The following TTC3 variants were observed in gnomAD, a reference collection of about 807,000 sequenced individuals.
The protein encoded by TTC3 is tetratricopeptide repeat domain 3, also known as E3 ubiquitin-protein ligase TTC3.
In TTC3, 180 loss-of-function variants were observed where a neutral mutation model predicts 249.6. That is an observed-to-expected ratio of 0.72 (90% confidence interval 0.64 to 0.82). The LOEUF is 0.82. Ranked by LOEUF, TTC3 falls within the 40% of genes least tolerant of loss-of-function variation. The pLI, the probability that TTC3 is intolerant of heterozygous loss-of-function variation, is 0.00. For missense variants in TTC3, 2,061 were observed against 2,398.4 expected, an observed-to-expected ratio of 0.86 and a Z score of 2.94; for synonymous variants, 717 against 805.0, an observed-to-expected ratio of 0.89 and a Z score of 1.85.
exon 18 of TTC3, chr21:37,135,485 C>A: frequency 6.2e-7 from 1 of 1,613,928 alleles, no homozygotes; most frequent in African/African-American, 1.3e-5. Flanking sequence ...TACAGAGTTG[C>A]TGAACGGTTT....
intron 1 of TTC3, among the ~76,000 whole-genome samples, chr21:37,074,946 T>C (rs2070623732): frequency 6.6e-6 from 1 of 152,204 alleles, no homozygotes; most frequent in Non-Finnish European, 1.5e-5. Flanking sequence ...TATTTAATCT[T>C]TTGCCAAATT....
At chr21:37,096,894 GC>G (rs2074000564) in intron 10 of TTC3, 3 of 330,082 alleles carry the variant, frequency 9.1e-6, no homozygotes, top group Non-Finnish European at 1.1e-5. Context: ...GGTTCTCACA[GC>G]ACCCGTAATA....
At chr21:37,198,476 C>T (rs565315343) in intron 44 of TTC3, among the ~76,000 whole-genome samples, 6 of 152,080 alleles carry the variant, frequency 3.9e-5, no homozygotes, top group South Asian at 2.1e-4. Flanking sequence ...CAAGATAGAC[C>T]GTGATTGCCT....
exon 33 of TTC3, chr21:37,166,459 A>T (rs748152612): frequency 1.9e-5 from 30 of 1,614,116 alleles, no homozygotes; most frequent in Non-Finnish European, 2.4e-5. Flanking sequence ...GAATATCTGT[A>T]AAGTCACACT....
intron 11 of TTC3, among the ~76,000 whole-genome samples, chr21:37,110,260 G>A (rs1257133216): frequency 2.0e-5 from 3 of 152,170 alleles, no homozygotes; most frequent in South Asian, 4.1e-4. Flanking sequence ...AAACTACTCC[G>A]AGCTAAAGGA....
chr21:37,113,847 C>A (rs1410162666), intron 11 of TTC3, among the ~76,000 whole-genome samples: 2 of 152,128 alleles, frequency 1.3e-5, no homozygotes, highest in African/African-American at 2.4e-5. Flanking sequence ...AAGATATAGA[C>A]CAATGGAACA....
chr21:37,090,003 CAT>C (rs2073038323), intron 5 of TTC3, among the ~76,000 whole-genome samples: 1 of 150,988 alleles, frequency 6.6e-6, no homozygotes, highest in Non-Finnish European at 1.5e-5. Flanking sequence ...AAAAAATTCA[CAT>C]GTCTAAAGAT....
At chr21:37,136,450 A>C (rs778059700) in intron 18 of TTC3, among the ~76,000 whole-genome samples, 10 of 152,346 alleles carry the variant, frequency 6.6e-5, no homozygotes, top group South Asian at 2.1e-4. Flanking sequence ...TTTCTTGCCG[A>C]TGCAGAGAGT....
intron 16 of TTC3, among the ~76,000 whole-genome samples, chr21:37,130,835 A>G (rs2077414748): frequency 6.6e-6 from 1 of 151,982 alleles, no homozygotes; most frequent in South Asian, 2.1e-4. Flanking sequence ...CAGTACTTCA[A>G]ACATCCTTGC....
chr21:37,172,571 G>T, intron 34 of TTC3, 24 bp from the exon 35 acceptor site: 1 of 1,598,336 alleles, frequency 6.3e-7, no homozygotes, highest in South Asian at 1.1e-5. Flanking sequence ...ATTTTTAATA[G>T]ATTGTTTTGT....
chr21:37,102,434 C>T (rs895945727), intron 10 of TTC3, among the ~76,000 whole-genome samples: 3 of 152,132 alleles, frequency 2.0e-5, no homozygotes, highest in Non-Finnish European at 2.9e-5. Flanking sequence ...CTTCCAAGTC[C>T]AGAATCAGTT....
chr21:37,152,939 AT>A lies in TTC3; in HGVS notation c.2414-9del. 2 of 1,559,656 alleles carry A rather than the reference AT, an allele frequency of 1.3e-6. No individual in the cohort carries two copies. Among genetic ancestry groups the A allele is most frequent in the Non-Finnish European group, 1.7e-6 (2 of 1,154,632 alleles). ...CCTATTTATCACTTTAACCATTGTT[AT>A]TTATCCTTAGAAACTGTAGACAATG... On this transcript the variant is annotated splice_polypyrimidine_tract_variant and intron_variant, in intron 26 of 45. Transcript: ENST00000355666.
chr21:37,182,947 TA>T (rs541380713), intron 36 of TTC3, 34 bp downstream of exon 36: 488 of 1,444,178 alleles, frequency 3.4e-4, no homozygotes, highest in South Asian at 5.1e-4. Context: ...AATTTTTATT[TA>T]AAAAAAAATA....
intron 44 of TTC3, among the ~76,000 whole-genome samples, chr21:37,199,686 G>C (rs2085297616): frequency 6.6e-6 from 1 of 152,202 alleles, no homozygotes; most frequent in Admixed American, 6.5e-5. Flanking sequence ...ACTGTTAACT[G>C]TTTTTCTAGG....
rs138862573 is a variant in TTC3 at position 37,190,130 on chromosome 21, C to CTTTTTTTTTT, written c.5025-1184_5025-1175dup. ...TTTTAGTGTATAGTTCTTTTTCTTT[C>CTTTTTTTTTT]TTTTTTTTTTTTTTTTTTTTTTTTT... On this transcript the variant is annotated intron_variant, in intron 39 of 45. Coordinates refer to ENST00000355666, the Ensembl canonical transcript of TTC3. Among the ~76,000 whole-genome samples the CTTTTTTTTTT allele has an allele frequency of 3.4e-3, 223 of 65,054 alleles. 3 individuals carry two copies. The highest frequency in any genetic ancestry group is 4.2e-3 in the Non-Finnish European group (151 of 36,286). The allele number at this position is 65,054 out of a possible 152,430, so 42.7% of individuals were successfully genotyped here.
chr21:37,121,422 T>A lies in TTC3; in HGVS notation c.901-395T>A, dbSNP rs2076574741. 1.9e-5 allele frequency: 3 copies of A among 156,886 alleles called. No homozygotes were observed. In the Admixed American group the frequency reaches 1.9e-4, roughly 10 times the overall value. The allele number at this position is 156,886 out of a possible 1,614,324, so 9.7% of individuals were successfully genotyped here. A position where few individuals can be genotyped will look rare whatever the true frequency, so the allele number is the denominator to read the frequency against. On this transcript the variant is annotated intron_variant, in intron 11 of 45. Coordinates refer to ENST00000355666, the Ensembl canonical transcript of TTC3. ...CGATTTCCAGGTGTAGGAAAGGCGATGACTTAGAGATTGTTACTGCCTTCA... is the reference window on the plus strand; with the variant it reads ...CGATTTCCAGGTGTAGGAAAGGCGAAGACTTAGAGATTGTTACTGCCTTCA...
At chr21:37,088,831 A>T in exon 5 of TTC3, 1 of 1,613,526 alleles carries the variant, frequency 6.2e-7, no homozygotes. Flanking sequence ...AATTTGAAGA[A>T]ACTACAACAT....
intron 11 of TTC3, among the ~76,000 whole-genome samples, chr21:37,114,175 A>G (rs2075922820): frequency 6.6e-6 from 1 of 152,166 alleles, no homozygotes; most frequent in Non-Finnish European, 1.5e-5. Context: ...AACAAAAGCC[A>G]AAATTGACAA....
chr21:37,083,008 T>C (rs1568851479), intron 1 of TTC3: 1 of 985,282 alleles, frequency 1.0e-6, no homozygotes, highest in Non-Finnish European at 1.2e-6. Context: ...CAATATATCC[T>C]CTGGATCCAT....
Sources: gnomAD v4.1 joint callset for allele counts (sites outside exome capture counted in the v4.1 genomes callset) on GRCh38, gnomAD v4.1.1 for gene constraint, MANE v1.5 for transcripts, NCBI Gene and HGNC (gene_info 2026-07-23, HGNC 2026-07-21) for gene names.